ZSCAN25: variants seen among roughly 807,000 people sequenced by gnomAD.
ZSCAN25 encodes zinc finger and SCAN domain containing 25, also known as zinc finger and SCAN domain-containing protein 25.
ZSCAN25 carries 27 observed loss-of-function variants against 38.7 expected under a neutral mutation model. The observed-to-expected ratio is 0.70, with a 90% confidence interval of 0.51 to 0.96. The LOEUF (loss-of-function observed/expected upper bound fraction) is 0.96, where lower values mean the gene tolerates loss of function less well. ZSCAN25 is among the 40% of genes least tolerant of loss of function. The pLI is 0.00. For synonymous variants in ZSCAN25, 273 were observed against 277.7 expected (o/e 0.98, Z 0.17); for missense variants, 637 against 705.9 (o/e 0.90, Z 1.11).
At chr7:99,664,575 T>C in the ZSCAN25 span, among the ~76,000 whole-genome samples, 1 of 152,178 alleles carries the variant, frequency 6.6e-6, no homozygotes, top group Admixed American at 6.5e-5. Flanking sequence ...CAGTTTTAAG[T>C]GACCAGTGAG....
the ZSCAN25 span, among the ~76,000 whole-genome samples, chr7:99,691,517 T>A: frequency 1.3e-5 from 2 of 152,198 alleles, no homozygotes. Context: ...CTCATTATTA[T>A]TGTGTGGAGT....
chr7:99,720,751 T>C, the ZSCAN25 span: 1 of 250,174 alleles, frequency 4.0e-6, no homozygotes, highest in Non-Finnish European at 7.9e-6. Context: ...TTCTCCACAA[T>C]GTTTCATAGG....
At chr7:99,652,775 G>T in the ZSCAN25 span, 4 of 1,612,674 alleles carry the variant, frequency 2.5e-6, no homozygotes, top group African/African-American at 1.3e-5. Flanking sequence ...ATAGGTAGGT[G>T]GTGCCTGGAA....
the ZSCAN25 span, among the ~76,000 whole-genome samples, chr7:99,719,305 A>C: frequency 6.6e-6 from 1 of 152,206 alleles, no homozygotes; most frequent in Non-Finnish European, 1.5e-5. Context: ...AGGAATAAAC[A>C]CAGTGATCAA....
chr7:99,680,904 G>C, the ZSCAN25 span, among the ~76,000 whole-genome samples: 1 of 152,178 alleles, frequency 6.6e-6, no homozygotes, highest in Admixed American at 6.5e-5. Flanking sequence ...ACCAGTTTGT[G>C]CCTCTCATCT....
the ZSCAN25 span, among the ~76,000 whole-genome samples, chr7:99,729,745 G>A: frequency 1.3e-5 from 2 of 152,072 alleles, no homozygotes; most frequent in African/African-American, 4.8e-5. Flanking sequence ...CCCCTCCACT[G>A]CTGACAATGG....
At chr7:99,724,907 T>C in the ZSCAN25 span, among the ~76,000 whole-genome samples, 232 of 151,994 alleles carry the variant, frequency 1.5e-3, 1 homozygote, top group Non-Finnish European at 2.4e-3. Context: ...CATCCTGACC[T>C]CCCCCCTCTC....
At chr7:99,664,029 A>G in the ZSCAN25 span, 1 of 1,602,102 alleles carries the variant, frequency 6.2e-7, no homozygotes, top group South Asian at 1.1e-5. Flanking sequence ...TAAAAAATTT[A>G]TGGTATCTTT....
rs955712650 is a variant in ZSCAN25 at position 99,629,706 on chromosome 7, A to G, written c.1321A>G (p.Ser441Gly). 2 of 1,614,046 alleles carry G rather than the reference A, an allele frequency of 1.2e-6. No individual in the cohort carries two copies. The highest frequency in any genetic ancestry group is 1.7e-6 in the Non-Finnish European group (2 of 1,180,040). Residue 441 changes from serine to glycine, a missense_variant, in exon 8 of 8, where the codon AGC becomes GGC. Transcript: ENST00000394152. The surrounding 1 kb of genome is among the most constrained non-coding windows in gnomAD (Gnocchi z 5.6). ...GTGCGGGGACTGCTGGAAGAGCTTC[A>G]GCCGCAGGCAGCACCTGCAGGTGCA... ...YKCGDCWKSF[S>G]RRQHLQVHRR...
the ZSCAN25 span, among the ~76,000 whole-genome samples, chr7:99,682,440 T>G: frequency 6.6e-6 from 1 of 152,188 alleles, no homozygotes; most frequent in Non-Finnish European, 1.5e-5. Context: ...TCACCGTAGG[T>G]GTGTGGAATT....
chr7:99,713,639 G>C, the ZSCAN25 span: 1 of 1,505,980 alleles, frequency 6.6e-7, no homozygotes, highest in Non-Finnish European at 9.1e-7. Context: ...ATAGCCCCTT[G>C]GAGACCAGAA....
rs1808036140 is a variant in ZSCAN25 at position 99,631,972 on chromosome 7, T to G, written c.*1952T>G. On this transcript the variant is annotated 3_prime_UTR_variant, in exon 8 of 8. Transcript: ENST00000394152. ...CTCAGTGGGAGGCTTCTGGCCTGAG[T>G]GTGGCCTTCCCCAGAGGGTGGTTTT... is the stretch of plus-strand genomic sequence containing the variant. 1 of 985,340 alleles carries G rather than the reference T, an allele frequency of 1.0e-6. No homozygotes were observed. Among genetic ancestry groups the G allele is most frequent in the Non-Finnish European group, 1.2e-6 (1 of 829,962 alleles). The allele number at this position is 985,340 out of a possible 1,614,324, so 61.0% of individuals were successfully genotyped here. A position where few individuals can be genotyped will look rare whatever the true frequency, so the allele number is the denominator to read the frequency against.
At chr7:99,661,931 C>T in the ZSCAN25 span, among the ~76,000 whole-genome samples, 1 of 152,302 alleles carries the variant, frequency 6.6e-6, no homozygotes, top group East Asian at 1.9e-4. Context: ...TCTTCAGTGG[C>T]ATTGGCCACA....
the ZSCAN25 span, among the ~76,000 whole-genome samples, chr7:99,694,154 G>T: frequency 0.012 from 1,788 of 152,284 alleles, 21 homozygotes; most frequent in Middle Eastern, 0.034. Context: ...ATCCTTGAAT[G>T]ATCACCTCCA....
At chr7:99,719,149 C>T in the ZSCAN25 span, among the ~76,000 whole-genome samples, 2 of 152,120 alleles carry the variant, frequency 1.3e-5, no homozygotes, top group African/African-American at 4.8e-5. Context: ...CTGAGAGACT[C>T]ATTCTGAATT....
the ZSCAN25 span, among the ~76,000 whole-genome samples, chr7:99,716,314 A>G: frequency 2.6e-5 from 4 of 152,206 alleles, no homozygotes; most frequent in Non-Finnish European, 5.9e-5. Flanking sequence ...TTGCCTGACT[A>G]CAGACTCTAT....
chr7:99,655,119 T>C, the ZSCAN25 span, among the ~76,000 whole-genome samples: 14 of 152,374 alleles, frequency 9.2e-5, no homozygotes, highest in East Asian at 2.7e-3. Flanking sequence ...TTTGTTGCCA[T>C]TGCTTTTGGT....
chr7:99,701,722 A>G, the ZSCAN25 span, among the ~76,000 whole-genome samples: 3 of 152,156 alleles, frequency 2.0e-5, no homozygotes, highest in Non-Finnish European at 4.4e-5. Flanking sequence ...TCATATAACT[A>G]TGTGGCATTT....
At chr7:99,692,399 C>G in the ZSCAN25 span, among the ~76,000 whole-genome samples, 3 of 152,088 alleles carry the variant, frequency 2.0e-5, no homozygotes, top group Admixed American at 6.6e-5. Context: ...TGAGGAGTAT[C>G]TTTGTGGTGT....
Sources: allele counts gnomAD v4.1 joint callset (sites outside exome capture counted in the v4.1 genomes callset), GRCh38; gene constraint gnomAD v4.1.1; non-coding constraint Gnocchi (gnomAD v3.1); transcripts MANE v1.5; gene names NCBI Gene and HGNC (gene_info 2026-07-23, HGNC 2026-07-21).